The following KIF21B variants were observed in gnomAD, a reference collection of about 807,000 sequenced individuals.
The protein encoded by KIF21B is kinesin-like protein KIF21B.
KIF21B carries 85 observed loss-of-function variants against 192.9 expected under a neutral mutation model. The ratio of observed to expected loss-of-function variants is 0.44; its 90% CI spans 0.37 to 0.53. The LOEUF (loss-of-function observed/expected upper bound fraction) is 0.53. Among genes scored for constraint, KIF21B ranks in the 20% least tolerant of loss-of-function variants. The pLI is 0.00. For missense variants in KIF21B, 1,716 were observed against 2,194.8 expected (o/e 0.78, Z 4.36); for synonymous variants, 832 against 884.6 (o/e 0.94, Z 1.05).
chr1:201,018,977 C>G (rs373785396), intron 1 of KIF21B, among the ~76,000 whole-genome samples: 2 of 152,220 alleles, frequency 1.3e-5, no homozygotes, highest in East Asian at 3.8e-4. Context: ...CTTAGTCACC[C>G]AGGCTGGAGT....
intron 2 of KIF21B, 106 bp from the exon 3 acceptor site, chr1:201,009,057 T>TC (rs1658083254): frequency 7.4e-7 from 1 of 1,348,756 alleles, no homozygotes; most frequent in Admixed American, 2.3e-5. Flanking sequence ...CCAGCCCGGT[T>TC]CCCCTGCTGC....
intron 3 of KIF21B, among the ~76,000 whole-genome samples, chr1:201,007,536 ACACACAGACACC>A (rs1311933285): frequency 6.6e-6 from 1 of 151,696 alleles, no homozygotes; most frequent in Non-Finnish European, 1.5e-5. Flanking sequence ...ACACAGACAC[ACACACAGACACC>A]CACACACAAA....
At chr1:200,993,365 T>TCC (rs1289131373) in intron 15 of KIF21B, among the ~76,000 whole-genome samples, 2 of 152,146 alleles carry the variant, frequency 1.3e-5, no homozygotes, top group African/African-American at 4.8e-5. Flanking sequence ...CTCAAGTCCC[T>TCC]CCTCTTAACA....
At chr1:201,019,695 C>G (rs1248019856) in intron 1 of KIF21B, among the ~76,000 whole-genome samples, 2 of 152,028 alleles carry the variant, frequency 1.3e-5, no homozygotes, top group African/African-American at 2.4e-5. Context: ...ATTTCTGCAG[C>G]AGGAGGCCAC....
intron 3 of KIF21B, among the ~76,000 whole-genome samples, chr1:201,007,714 A>G (rs1657990004): frequency 1.3e-5 from 2 of 151,758 alleles, no homozygotes; most frequent in South Asian, 4.2e-4. Flanking sequence ...GCGCACACAG[A>G]CACATAGACA....
intron 30 of KIF21B, among the ~76,000 whole-genome samples, chr1:200,977,981 GCCT>G (rs1655670200): frequency 6.6e-6 from 1 of 152,044 alleles, no homozygotes; most frequent in Admixed American, 6.5e-5. Flanking sequence ...TGATTTGCCT[GCCT>G]CAGCCTCCCA....
chr1:200,986,586 G>A (rs1656318969), intron 26 of KIF21B, among the ~76,000 whole-genome samples: 1 of 152,044 alleles, frequency 6.6e-6, no homozygotes, highest in Admixed American at 6.6e-5. Context: ...TCAAACTCCT[G>A]GGCTCAAGTG....
rs141349980 is a variant in KIF21B, at chr1:200,991,089, G to A, written c.2515C>T (p.Leu839=). 86 of 1,613,974 alleles carry A rather than the reference G, an allele frequency of 5.3e-5. 1 individual carries two copies. In the African/African-American group the frequency reaches 9.3e-4, roughly 18 times the overall value. The part of the protein sequence containing the change: ...MSERVAGRAG[L]KPPMLDSGAE... ...CCAGAGTCCAGCATGGGTGGCTTTA[G>A]TCCTGCACGCCCTGCCACCCGCTCA... Residue 839 remains leucine, a synonymous_variant, in exon 18 of 35, where the codon CTA becomes TTA. Coordinates refer to ENST00000461742, the MANE Select transcript of KIF21B (RefSeq NM_001252102.2).
At chr1:201,020,822 C>T (rs1258001113) in intron 1 of KIF21B, among the ~76,000 whole-genome samples, 1 of 151,802 alleles carries the variant, frequency 6.6e-6, no homozygotes, top group Non-Finnish European at 1.5e-5. Flanking sequence ...CACACACACA[C>T]ACACACACAC....
At chr1:200,978,815 T>C (rs1328199669) in intron 30 of KIF21B, among the ~76,000 whole-genome samples, 3 of 152,126 alleles carry the variant, frequency 2.0e-5, no homozygotes, top group Non-Finnish European at 4.4e-5. Context: ...GCCTCCTGAG[T>C]AGCTGGGACT....
chr1:201,015,341 G>A (rs983601443), intron 1 of KIF21B, among the ~76,000 whole-genome samples: 2 of 152,162 alleles, frequency 1.3e-5, no homozygotes, highest in African/African-American at 2.4e-5. Flanking sequence ...CCAGACAGCT[G>A]GACTAGAATC....
chr1:200,983,701 A>G (rs543585460), intron 27 of KIF21B, among the ~76,000 whole-genome samples: 4 of 152,330 alleles, frequency 2.6e-5, no homozygotes, highest in African/African-American at 9.6e-5. Context: ...GGATGGGCAC[A>G]GCCCTGCCCC....
At position 200,972,094 on chromosome 1, in the gene KIF21B, C is replaced by G. The variant is rs1317683084; in HGVS notation, c.*1427G>C. On this transcript the variant is annotated 3_prime_UTR_variant, in exon 35 of 35. Transcript: ENST00000461742. Reference sequence around the variant, plus strand: ...GGGGGAGAGGGATGGAGCTCAGTCCCCCCCAAGGCCCACTCCTGTAATTCC... The same window carrying G: ...GGGGGAGAGGGATGGAGCTCAGTCCGCCCCAAGGCCCACTCCTGTAATTCC... The G allele has an allele frequency of 6.6e-6, 1 of 152,148 alleles. No homozygotes were observed. The highest frequency in any genetic ancestry group is 1.5e-5 in the Non-Finnish European group (1 of 67,998). 9.4% of individuals were successfully genotyped at this position (152,148 alleles called of 1,614,324 possible).
In KIF21B at chr1:200,998,494, C is replaced by G. The variant is rs1248412746; in HGVS notation, c.1967G>C (p.Ser656Thr). Residue 656 changes from serine (S) to threonine (T), a missense_variant, in exon 14 of 35, where the codon AGC (serine) becomes ACC (threonine). Physicochemically the swap from Ser to Thr is moderately conservative, Grantham distance 58. Coordinates refer to ENST00000461742, the MANE Select transcript of KIF21B (RefSeq NM_001252102.2). This position sits in a 1 kb window ranked among gnomAD's most constrained non-coding sequence, Gnocchi z 4.3. Reference sequence around the variant, plus strand: ...CTTGAGCGTCTGCAACCGCCGCTGGCTGTTCTCCAGCTCGTCGATCAGCTT... The same window carrying G: ...CTTGAGCGTCTGCAACCGCCGCTGGGTGTTCTCCAGCTCGTCGATCAGCTT... ...KQKLIDELEN[S>T]QRRLQTLKHQ... The G allele has an allele frequency of 1.2e-6, 2 of 1,613,950 alleles. No homozygotes were observed. Among genetic ancestry groups the G allele is most frequent in the Non-Finnish European group, 1.7e-6 (2 of 1,180,034 alleles).
In KIF21B at chr1:200,974,093, G is replaced by A. The variant is rs1655382175; in HGVS notation, c.4815-515C>T. 6 of 1,612,516 alleles carry A rather than the reference G, an allele frequency of 3.7e-6. No homozygotes were observed. In the Admixed American group the frequency reaches 1.0e-4, roughly 27 times the overall value. On this transcript the variant is annotated intron_variant, in intron 34 of 34. Coordinates refer to ENST00000461742, the MANE Select transcript of KIF21B (RefSeq NM_001252102.2). ...AGAGGAGACAGGGAGAGTTGGGGAG[G>A]GTCAGGGCAGGGTGGTGGCGCGGCC...
intron 34 of KIF21B, 199 bp from the exon 35 acceptor site, chr1:200,973,777 G>C (rs1352868228): frequency 6.9e-7 from 1 of 1,442,534 alleles, no homozygotes; most frequent in African/African-American, 1.5e-5. Flanking sequence ...GCACTCAGAG[G>C]CCCCCAGGGG....
intron 32 of KIF21B, 75 bp downstream of exon 32, chr1:200,976,701 C>T: frequency 1.1e-6 from 1 of 903,192 alleles, no homozygotes; most frequent in Admixed American, 2.5e-5. Flanking sequence ...TTCATGGGTA[C>T]TCCCAGGGCA....
chr1:200,974,212 C>T (rs761921392), intron 34 of KIF21B: 20 of 1,527,938 alleles, frequency 1.3e-5, no homozygotes, highest in Admixed American at 4.2e-5. Context: ...GGGAGAGAGG[C>T]GAGGACAGAG....
chr1:200,970,862 C>T lies in KIF21B; in HGVS notation c.*2659G>A, dbSNP rs1655177386. ...GGCTGGGCCTGACAAGGCTCAGCCT[C>T]CAGTCTTAAGATGGGCACAGAAGGG... On this transcript the variant is annotated 3_prime_UTR_variant, in exon 35 of 35. Coordinates refer to ENST00000461742, the MANE Select transcript of KIF21B (RefSeq NM_001252102.2). 6.6e-6 allele frequency: 1 copy of T among 152,392 alleles called. No homozygotes were observed. Among genetic ancestry groups the T allele is most frequent in the Non-Finnish European group, 1.5e-5 (1 of 68,072 alleles). 9.4% of individuals were successfully genotyped at this position (152,392 alleles called of 1,614,324 possible).
Sources: gnomAD v4.1 joint callset for allele counts (sites outside exome capture counted in the v4.1 genomes callset) on GRCh38, gnomAD v4.1.1 for gene constraint, Gnocchi (gnomAD v3.1) non-coding constraint, MANE v1.5 for transcripts, NCBI Gene and HGNC (gene_info 2026-07-23, HGNC 2026-07-21) for gene names.